The following ZHX2 variants were observed in gnomAD, a reference collection of about 807,000 sequenced individuals.
ZHX2 encodes zinc fingers and homeoboxes protein 2.
Under a neutral mutation model 21.9 loss-of-function variants are expected in ZHX2, and 6 were observed. That is an observed-to-expected ratio of 0.27 (90% CI 0.15 to 0.54). ZHX2 has a LOEUF of 0.54. Ranked by LOEUF, ZHX2 falls within the 20% of genes least tolerant of loss-of-function variation. The probability of loss-of-function intolerance (pLI) is 0.95; values close to 1 mark genes in which losing one functional copy is unlikely to be tolerated. For missense variants in ZHX2, 908 were observed against 1,090.7 expected (o/e 0.83, Z 2.36); for synonymous variants, 434 against 437.1 (o/e 0.99, Z 0.09).
rs1355839396 is a variant in ZHX2, at chr8:122,828,274, C to A, written c.-282-35203C>A. ...CCTAGGGCTTAGGAGAGGAATGAAA[C>A]AAAAATTCCTGTTTCTTCAGGAGCT... On this transcript the variant is annotated intron_variant, in intron 1 of 3. Coordinates refer to ENST00000314393, the MANE Select transcript of ZHX2 (RefSeq NM_014943.5). The surrounding 1 kb of genome is among the most constrained non-coding windows in gnomAD (Gnocchi z 5.2). Among the ~76,000 whole-genome samples the A allele has an allele frequency of 6.6e-6, 1 of 152,108 alleles. No individual in the cohort carries two copies. The highest frequency in any genetic ancestry group is 2.4e-5 in the African/African-American group (1 of 41,414).
intron 3 of ZHX2, among the ~76,000 whole-genome samples, chr8:122,958,000 GCAGTT>G (rs1249443213): frequency 4.6e-5 from 7 of 152,214 alleles, no homozygotes; most frequent in South Asian, 2.1e-4. Flanking sequence ...TTAGGAACCT[GCAGTT>G]CAGTTCAGTT....
At chr8:122,869,696 A>G (rs1297227762) in intron 2 of ZHX2, among the ~76,000 whole-genome samples, 1 of 152,210 alleles carries the variant, frequency 6.6e-6, no homozygotes, top group Non-Finnish European at 1.5e-5. Flanking sequence ...GACACATCCA[A>G]TGTGAGGCAA....
At chr8:122,917,881 C>T (rs1315563021) in intron 2 of ZHX2, among the ~76,000 whole-genome samples, 1 of 152,202 alleles carries the variant, frequency 6.6e-6, no homozygotes, top group Non-Finnish European at 1.5e-5. Context: ...CATCACCAGT[C>T]AATCACAGCA....
chr8:122,964,962 A>T (rs1257871282), intron 3 of ZHX2, among the ~76,000 whole-genome samples: 4 of 143,310 alleles, frequency 2.8e-5, no homozygotes, highest in African/African-American at 7.8e-5. Context: ...TATCTTTTGT[A>T]TTTCTATGGT....
intron 1 of ZHX2, among the ~76,000 whole-genome samples, chr8:122,834,806 G>C (rs1818459875): frequency 6.6e-6 from 1 of 152,154 alleles, no homozygotes; most frequent in Non-Finnish European, 1.5e-5. Flanking sequence ...GTTTTCATTA[G>C]GACCTTGGGT....
At chr8:122,959,428 G>A (rs1813387820) in intron 3 of ZHX2, among the ~76,000 whole-genome samples, 2 of 147,910 alleles carry the variant, frequency 1.4e-5, no homozygotes, top group South Asian at 4.3e-4. Flanking sequence ...ATTAATTAAT[G>A]AGTGAATGAA....
intron 2 of ZHX2, among the ~76,000 whole-genome samples, chr8:122,898,300 C>G (rs1371833761): frequency 1.3e-5 from 2 of 152,042 alleles, no homozygotes; most frequent in African/African-American, 4.8e-5. Context: ...AGTAGAAAAG[C>G]CTCAGGGAAA....
chr8:122,866,405 C>G (rs551875150), intron 2 of ZHX2, among the ~76,000 whole-genome samples: 1 of 152,316 alleles, frequency 6.6e-6, no homozygotes, highest in South Asian at 2.1e-4. Context: ...ACATTTCTTA[C>G]GTGAGTGGTA....
intron 3 of ZHX2, among the ~76,000 whole-genome samples, chr8:122,968,616 G>A (rs1436347092): frequency 6.6e-6 from 1 of 152,026 alleles, no homozygotes; most frequent in African/African-American, 2.4e-5. Context: ...AGGCGGGTGG[G>A]TTACCTGAGG....
chr8:122,956,981 G>T (rs1021367978), intron 3 of ZHX2, among the ~76,000 whole-genome samples: 4 of 152,154 alleles, frequency 2.6e-5, no homozygotes, highest in African/African-American at 9.7e-5. Context: ...ATGAGGGAGG[G>T]AATGTTAAAA....
intron 3 of ZHX2, among the ~76,000 whole-genome samples, chr8:122,968,502 T>C (rs752027634): frequency 9.2e-5 from 14 of 152,166 alleles, no homozygotes; most frequent in Non-Finnish European, 1.8e-4. Context: ...AATCAGACTG[T>C]GCCCCCTACC....
At chr8:122,790,386 C>T (rs1381296853) in intron 1 of ZHX2, among the ~76,000 whole-genome samples, 1 of 152,186 alleles carries the variant, frequency 6.6e-6, no homozygotes, top group Non-Finnish European at 1.5e-5. Context: ...CCTTCCCTCC[C>T]CGCTTTGATT....
chr8:122,785,979 C>T (rs1817387601), intron 1 of ZHX2, among the ~76,000 whole-genome samples: 1 of 152,166 alleles, frequency 6.6e-6, no homozygotes, highest in Non-Finnish European at 1.5e-5. Context: ...TTCTTATTTG[C>T]AATAAAACGA....
At chr8:122,843,206 G>C (rs1002766443) in intron 1 of ZHX2, among the ~76,000 whole-genome samples, 1 of 152,340 alleles carries the variant, frequency 6.6e-6, no homozygotes, top group South Asian at 2.1e-4. Flanking sequence ...CTCTGTGTTA[G>C]ATGTCCTAAA....
intron 2 of ZHX2, among the ~76,000 whole-genome samples, chr8:122,911,923 G>A (rs1820489998): frequency 6.6e-6 from 1 of 152,144 alleles, no homozygotes; most frequent in Admixed American, 6.5e-5. Context: ...TAGAGGCGGG[G>A]AATGGCTCCC....
intron 2 of ZHX2, among the ~76,000 whole-genome samples, chr8:122,907,248 C>T (rs1820371503): frequency 6.6e-6 from 1 of 152,090 alleles, no homozygotes; most frequent in East Asian, 1.9e-4. Flanking sequence ...TGGGGCACAG[C>T]TTGATTTTAT....
intron 2 of ZHX2, among the ~76,000 whole-genome samples, chr8:122,946,508 A>G (rs566696221): frequency 1.3e-5 from 2 of 152,146 alleles, no homozygotes; most frequent in South Asian, 2.1e-4. Flanking sequence ...TTGAACCACA[A>G]TTTTTGGAAC....
chr8:122,831,387 G>T lies in ZHX2; in HGVS notation c.-282-32090G>T, dbSNP rs537517815. Among the ~76,000 whole-genome samples, 7 of 152,300 alleles carry T rather than the reference G, an allele frequency of 4.6e-5. No homozygotes were observed. In the South Asian group the frequency reaches 8.3e-4, roughly 18 times the overall value. ...AGGTGAGGACAAGTGAGGCTAGGGCGGAGACGTTACAGGAGAGGTTTGTAA... is the reference window on the plus strand; with the variant it reads ...AGGTGAGGACAAGTGAGGCTAGGGCTGAGACGTTACAGGAGAGGTTTGTAA... On this transcript the variant is annotated intron_variant, in intron 1 of 3. Transcript: ENST00000314393.
intron 2 of ZHX2, among the ~76,000 whole-genome samples, chr8:122,944,128 A>G (rs1160443181): frequency 1.3e-5 from 2 of 152,136 alleles, no homozygotes; most frequent in Non-Finnish European, 2.9e-5. Flanking sequence ...CCCCCTTTGA[A>G]GCCCTGCTTA....
Sources: gnomAD v4.1 joint callset for allele counts (sites outside exome capture counted in the v4.1 genomes callset) on GRCh38, gnomAD v4.1.1 for gene constraint, Gnocchi (gnomAD v3.1) non-coding constraint, MANE v1.5 for transcripts, NCBI Gene and HGNC (gene_info 2026-07-23, HGNC 2026-07-21) for gene names.